DCHS2: variants seen among roughly 807,000 people sequenced by gnomAD.
The protein encoded by DCHS2 is dachsous cadherin-related 2.
Under a neutral mutation model 182.4 loss-of-function variants are expected in DCHS2, and 142 were observed. That is an observed-to-expected ratio of 0.78 (90% CI 0.68 to 0.89). The LOEUF is 0.89. Among genes scored for constraint, DCHS2 ranks in the 40% least tolerant of loss-of-function variants. The pLI is 0.00. For synonymous variants in DCHS2, 1,740 were observed against 1,663.3 expected, an observed-to-expected ratio of 1.05 and a Z score of -1.12; for missense variants, 4,319 against 4,198.6, an observed-to-expected ratio of 1.03 and a Z score of -0.79.
intron 3 of DCHS2, among the ~76,000 whole-genome samples, chr4:154,364,375 C>T (rs1346338030): frequency 1.3e-5 from 2 of 152,198 alleles, no homozygotes; most frequent in Non-Finnish European, 2.9e-5. Flanking sequence ...CTTTTAGATC[C>T]TGTGCCCTGA....
rs1227325751 is a variant in DCHS2 at position 154,320,424 on chromosome 4, G to T, written c.4975C>A (p.Leu1659Ile). ...AACGTCATGTTTTCATTTCCTGAGAGGATGCTGTATGTTACTTTTCCATTC... is the reference window on the plus strand; with the variant it reads ...AACGTCATGTTTTCATTTCCTGAGATGATGCTGTATGTTACTTTTCCATTC... ...GRNGKVTYSI[L>I]SGNENMTFML... Residue 1659 changes from leucine (L) to isoleucine (I), a missense_variant, in exon 9 of 20, where the codon CTC (leucine) becomes ATC (isoleucine). By Grantham distance (5) the Leu-to-Ile change is conservative. Coordinates refer to ENST00000357232, the MANE Select transcript of DCHS2 (RefSeq NM_001358235.2). The T allele has an allele frequency of 6.2e-7, 1 of 1,613,968 alleles. No homozygotes were observed. The highest frequency in any genetic ancestry group is 8.5e-7 in the Non-Finnish European group (1 of 1,179,982).
At chr4:154,395,346 G>A (rs1216716421) in intron 1 of DCHS2, among the ~76,000 whole-genome samples, 1 of 152,142 alleles carries the variant, frequency 6.6e-6, no homozygotes, top group African/African-American at 2.4e-5. Flanking sequence ...TGCCTCTGCA[G>A]TGACCATGCA....
At position 154,315,955 on chromosome 4, in the gene DCHS2, C is replaced by A; in HGVS notation, c.5053G>T (p.Glu1685Ter). ...LLTTTCPLDY[E>*]MKTQHILTVL... ...GTCAGAATATGCTGAGTTTTCATTT[C>A]ATAATCCAAAGGACAGGTTGTGGTT... The change falls in exon 10 of 20, where the codon GAA (glutamate) becomes TAA (stop). Residue 1685 changes from glutamate (E) to a stop codon, truncating the protein, a stop_gained. Transcript: ENST00000357232. LOFTEE classifies it high-confidence loss of function. 12 of 1,614,008 alleles carry A rather than the reference C, an allele frequency of 7.4e-6. No individual in the cohort carries two copies. Among genetic ancestry groups the A allele is most frequent in the South Asian group, 1.1e-5 (1 of 91,076 alleles).
chr4:154,348,799 G>A (rs568092820), intron 3 of DCHS2, among the ~76,000 whole-genome samples: 1 of 152,062 alleles, frequency 6.6e-6, no homozygotes, highest in South Asian at 2.1e-4. Flanking sequence ...AACTGTTAGA[G>A]AATGAGATTC....
chr4:154,349,529 T>C (rs1729509907), intron 3 of DCHS2, among the ~76,000 whole-genome samples: 1 of 152,234 alleles, frequency 6.6e-6, no homozygotes. Context: ...TATGTCCCTG[T>C]ATTTCAAAAG....
chr4:154,354,000 C>T (rs1209518509), intron 3 of DCHS2, among the ~76,000 whole-genome samples: 2 of 152,246 alleles, frequency 1.3e-5, no homozygotes, highest in South Asian at 2.1e-4. Context: ...GATCTCAGCT[C>T]ACTGCACCCT....
At chr4:154,271,607 G>T (rs1349524463) in intron 13 of DCHS2, among the ~76,000 whole-genome samples, 1 of 152,054 alleles carries the variant, frequency 6.6e-6, no homozygotes, top group Admixed American at 6.6e-5. Flanking sequence ...AGCCGGAAGG[G>T]TCCCAAGTAT....
intron 3 of DCHS2, among the ~76,000 whole-genome samples, chr4:154,343,093 G>A (rs949838695): frequency 6.6e-6 from 1 of 152,168 alleles, no homozygotes; most frequent in South Asian, 2.1e-4. Flanking sequence ...GTAATGATTT[G>A]AAAGAATTTT....
At chr4:154,464,890 A>G (rs1735174595) in intron 1 of DCHS2, among the ~76,000 whole-genome samples, 1 of 152,136 alleles carries the variant, frequency 6.6e-6, no homozygotes, top group African/African-American at 2.4e-5. Flanking sequence ...CGCCCTTGCA[A>G]CTCAGCTTTG....
chr4:154,462,515 A>C (rs1211240886), intron 1 of DCHS2, among the ~76,000 whole-genome samples: 1 of 152,222 alleles, frequency 6.6e-6, no homozygotes, highest in Non-Finnish European at 1.5e-5. Context: ...TGTTGACTCT[A>C]TGCACATGGA....
chr4:154,331,064 A>G (rs1474902265), intron 5 of DCHS2, among the ~76,000 whole-genome samples: 6 of 152,104 alleles, frequency 3.9e-5, no homozygotes, highest in Non-Finnish European at 5.9e-5. Flanking sequence ...TGTCCAGAGA[A>G]CTGGATGAAA....
chr4:154,453,552 T>C (rs762518223), intron 1 of DCHS2, among the ~76,000 whole-genome samples: 6 of 152,134 alleles, frequency 3.9e-5, no homozygotes, highest in Non-Finnish European at 7.4e-5. Context: ...GGGCTGGGCT[T>C]TCCTGCTCAA....
chr4:154,328,046 G>T, intron 7 of DCHS2, 47 bp downstream of exon 7: 1 of 1,356,140 alleles, frequency 7.4e-7, no homozygotes, highest in Non-Finnish European at 1.0e-6. Context: ...ATAAATGAAA[G>T]CAGAAATCCT....
At chr4:154,255,037 C>A (rs887803364) in intron 16 of DCHS2, among the ~76,000 whole-genome samples, 4 of 152,046 alleles carry the variant, frequency 2.6e-5, no homozygotes, top group Non-Finnish European at 4.4e-5. Flanking sequence ...TAAATGTATG[C>A]GTTTAATAAG....
intron 13 of DCHS2, among the ~76,000 whole-genome samples, chr4:154,273,564 A>C (rs1207335080): frequency 6.6e-6 from 1 of 152,156 alleles, no homozygotes; most frequent in African/African-American, 2.4e-5. Flanking sequence ...TAAGTTATTC[A>C]TGTAACCAAA....
intron 3 of DCHS2, among the ~76,000 whole-genome samples, chr4:154,341,368 CAAAAA>C (rs369958308): frequency 3.4e-5 from 2 of 58,582 alleles, no homozygotes. Context: ...GACTCTGTCT[CAAAAA>C]AAAAAAAAAA....
intron 1 of DCHS2, among the ~76,000 whole-genome samples, chr4:154,438,609 A>G (rs9884952): frequency 0.46 from 69,846 of 151,970 alleles, 16,559 homozygotes; most frequent in Middle Eastern, 0.68. Context: ...ATATTGAATC[A>G]TTCAATTCAC....
intron 5 of DCHS2, among the ~76,000 whole-genome samples, chr4:154,332,230 A>G (rs1301610030): frequency 6.6e-6 from 1 of 152,214 alleles, no homozygotes; most frequent in South Asian, 2.1e-4. Context: ...GGAAAGTATG[A>G]ATTATTATGG....
At chr4:154,355,375 G>A (rs1352978289) in intron 3 of DCHS2, among the ~76,000 whole-genome samples, 1 of 152,152 alleles carries the variant, frequency 6.6e-6, no homozygotes, top group Admixed American at 6.6e-5. Context: ...ACATCAGGAA[G>A]TTACTCTATA....
Sources: gnomAD v4.1 joint callset for allele counts (sites outside exome capture counted in the v4.1 genomes callset) on GRCh38, gnomAD v4.1.1 for gene constraint, MANE v1.5 for transcripts, NCBI Gene and HGNC (gene_info 2026-07-23, HGNC 2026-07-21) for gene names.